Variants in SLC24A1 observed in about 807,000 individuals in gnomAD.
SLC24A1 encodes solute carrier family 24 member 1.
A neutral mutation model predicts 88.1 loss-of-function variants in SLC24A1; 52 were observed. The observed-to-expected ratio is 0.59, with a 90% confidence interval of 0.47 to 0.74. The LOEUF is 0.74. Among genes scored for constraint, SLC24A1 ranks in the 30% least tolerant of loss-of-function variants. The pLI is 0.00. For missense variants in SLC24A1, 1,173 were observed against 1,363.3 expected (o/e 0.86, Z 2.20); for synonymous variants, 455 against 498.0 (o/e 0.91, Z 1.15).
chr15:65,612,589 T>G (rs1039775299), exon 2 of SLC24A1: 1 of 152,298 alleles, frequency 6.6e-6, no homozygotes, highest in South Asian at 2.1e-4. Flanking sequence ...GACCTAGTTA[T>G]GCTTGAGCAG....
intron 2 of SLC24A1, among the ~76,000 whole-genome samples, chr15:65,633,628 C>G (rs1204675528): frequency 6.6e-6 from 1 of 152,078 alleles, no homozygotes; most frequent in East Asian, 1.9e-4. Context: ...CCACTGCACT[C>G]CAGCCTGGGT....
In SLC24A1 at chr15:65,654,834, G is replaced by A. The variant is rs535538507; in HGVS notation, c.*755G>A. On this transcript the variant is annotated 3_prime_UTR_variant, in exon 10 of 10. Transcript: ENST00000261892. ...AATTCTCCTGCCTCAGCCTGAAGTC[G>A]TGATCTGCCCGCCTCGGCCTCCCAA... 4.8e-5 allele frequency: 51 copies of A among 1,061,896 alleles called. No individual in the cohort carries two copies. The East Asian group carries it at 1.8e-3, about 37-fold the overall frequency. The allele number at this position is 1,061,896 out of a possible 1,614,324, so 65.8% of individuals were successfully genotyped here. A position where few individuals can be genotyped will look rare whatever the true frequency, so the allele number is the denominator to read the frequency against.
Position 65,645,688 on chromosome 15 carries a change from G to C in SLC24A1, c.2217G>C (p.Glu739Asp). ...PVPDIKGDQK[E>D]NPGGQEDVAE... ...CAGACATCAAGGGAGATCAGAAGGAGAATCCAGGCGGTCAGGTAGGCACCC... is the reference window on the plus strand; with the variant it reads ...CAGACATCAAGGGAGATCAGAAGGACAATCCAGGCGGTCAGGTAGGCACCC... Residue 739 changes from glutamate to aspartate, a missense_variant, in exon 6 of 10, where the codon GAG becomes GAC. Glu to Asp is a conservative substitution (Grantham distance 45). Transcript: ENST00000261892. 1 of 1,573,782 alleles carries C rather than the reference G, an allele frequency of 6.4e-7. No individual in the cohort carries two copies. Among genetic ancestry groups the C allele is most frequent in the South Asian group, 1.2e-5 (1 of 85,272 alleles).
At position 65,625,597 on chromosome 15, in the gene SLC24A1, C is replaced by T; in HGVS notation, c.1517C>T (p.Ala506Val). ...GATFMAAGGS[A>V]PELFTSLIGV... ...ACATTCATGGCTGCTGGAGGCTCTG[C>T]TCCTGAGCTCTTCACCTCCCTCATC... The change falls in exon 2 of 10, where the codon GCT becomes GTT. Residue 506 changes from alanine to valine, a missense_variant. Transcript: ENST00000261892. 1.2e-6 allele frequency: 2 copies of T among 1,614,034 alleles called. No individual in the cohort carries two copies. The highest frequency in any genetic ancestry group is 1.7e-6 in the Non-Finnish European group (2 of 1,179,892).
At chr15:65,617,116 G>C (rs1596295042), upstream of SLC24A1, among the ~76,000 whole-genome samples, 1 of 152,236 alleles carries the variant, frequency 6.6e-6, no homozygotes, top group Non-Finnish European at 1.5e-5. Context: ...ATGCTGTTTT[G>C]GTTACTGTAG....
In SLC24A1 at chr15:65,650,825, A is replaced by G. The variant is rs922265995; in HGVS notation, c.2676A>G (p.Gly892=). Residue 892 remains glycine (G), a synonymous_variant, in exon 7 of 10, where the codon GGA becomes GGG. Transcript: ENST00000261892. This position sits in a 1 kb window ranked among gnomAD's most constrained non-coding sequence, Gnocchi z 4.1. The part of the protein sequence containing the change: ...EEEEEEEEEK[G]NEEPLSLDWP... ...AGGAGGAGGAAGAGGAGGAGAAGGGAAATGAAGAGCCTCTGTCCCTGGACT... is the reference window on the plus strand; with the variant it reads ...AGGAGGAGGAAGAGGAGGAGAAGGGGAATGAAGAGCCTCTGTCCCTGGACT... 6.2e-7 allele frequency: 1 copy of G among 1,613,292 alleles called. No homozygotes were observed. The highest frequency in any genetic ancestry group is 1.3e-5 in the African/African-American group (1 of 74,712).
At chr15:65,640,155 A>G (rs1202222594) in intron 4 of SLC24A1, among the ~76,000 whole-genome samples, 1 of 152,086 alleles carries the variant, frequency 6.6e-6, no homozygotes, top group Non-Finnish European at 1.5e-5. Context: ...CGCCTCTTGT[A>G]GGGTCCCAAA....
chr15:65,651,825 A>G, intron 8 of SLC24A1, 66 bp downstream of exon 8: 1 of 817,358 alleles, frequency 1.2e-6, no homozygotes, highest in Non-Finnish European at 2.1e-6. Flanking sequence ...TTCAGGATCA[A>G]TCTCCGGTAC....
chr15:65,622,743 CT>C (rs200534714), intron 1 of SLC24A1, among the ~76,000 whole-genome samples: 31 of 145,590 alleles, frequency 2.1e-4, no homozygotes, highest in East Asian at 1.6e-3. Context: ...CAGTGCTTTT[CT>C]TTTTTTTTTT....
chr15:65,660,145 A>T (rs1018664305), downstream of SLC24A1: 1 of 617,732 alleles, frequency 1.6e-6, no homozygotes, highest in East Asian at 2.8e-5. Context: ...CTGAATAGTA[A>T]AGAATAATAT....
At chr15:65,627,611 C>T (rs1439578285) in intron 2 of SLC24A1, among the ~76,000 whole-genome samples, 1 of 152,136 alleles carries the variant, frequency 6.6e-6, no homozygotes, top group African/African-American at 2.4e-5. Context: ...GAACCTCCCT[C>T]CTAATGCAGG....
chr15:65,622,239 A>C (rs2074343279), intron 1 of SLC24A1, 147 bp downstream of exon 1: 1 of 152,198 alleles, frequency 6.6e-6, no homozygotes, highest in African/African-American at 2.4e-5. Flanking sequence ...AGTTCATGGC[A>C]AGGATCGGGG....
At chr15:65,626,002 C>T (rs1257376868) in intron 2 of SLC24A1, 32 bp downstream of exon 2, 20 of 1,518,926 alleles carry the variant, frequency 1.3e-5, no homozygotes, top group Non-Finnish European at 1.6e-5. Flanking sequence ...TTTCTCTAGC[C>T]CCTTTGAGAT....
chr15:65,640,674 T>C (rs570006723), intron 4 of SLC24A1, among the ~76,000 whole-genome samples: 1 of 152,242 alleles, frequency 6.6e-6, no homozygotes, highest in African/African-American at 2.4e-5. Flanking sequence ...TGACTGACCT[T>C]TCTGGCTCAA....
chr15:65,652,825 C>G lies in SLC24A1; in HGVS notation c.3050+17C>G, dbSNP rs188449742. ...CACTGTGGGGTGAGTGGCAATGTAACTTTCTAAGGGGTGTTAAGTATGACT... is the reference window on the plus strand; with the variant it reads ...CACTGTGGGGTGAGTGGCAATGTAAGTTTCTAAGGGGTGTTAAGTATGACT... On this transcript the variant is annotated intron_variant, in intron 9 of 9. Transcript: ENST00000261892. The G allele has an allele frequency of 9.1e-5, 143 of 1,577,598 alleles. 1 individual carries two copies. In the African/African-American group the frequency reaches 1.8e-3, roughly 20 times the overall value.
At chr15:65,659,338 T>TG (rs2075783833), downstream of SLC24A1, 2 of 133,906 alleles carry the variant, frequency 1.5e-5, no homozygotes, top group African/African-American at 2.8e-5. Context: ...TTTTTTTTTT[T>TG]TTTTTTTTTT....
intron 8 of SLC24A1, chr15:65,651,974 A>C: frequency 1.8e-6 from 1 of 556,196 alleles, no homozygotes; most frequent in Non-Finnish European, 3.4e-6. Context: ...ATGGCATAGA[A>C]GGCCTTGGAA....
At chr15:65,629,155 A>T (rs2074619710) in intron 2 of SLC24A1, among the ~76,000 whole-genome samples, 1 of 152,214 alleles carries the variant, frequency 6.6e-6, no homozygotes, top group African/African-American at 2.4e-5. Flanking sequence ...GGAAACATAC[A>T]ATCAGCGGAG....
intron 2 of SLC24A1, among the ~76,000 whole-genome samples, chr15:65,626,231 A>G (rs530758187): frequency 6.6e-6 from 1 of 152,352 alleles, no homozygotes; most frequent in East Asian, 1.9e-4. Flanking sequence ...AGAAAACCGA[A>G]GCCCAAAGAA....
Sources: allele counts gnomAD v4.1 joint callset (sites outside exome capture counted in the v4.1 genomes callset), GRCh38; gene constraint gnomAD v4.1.1; non-coding constraint Gnocchi (gnomAD v3.1); transcripts MANE v1.5; gene names NCBI Gene and HGNC (gene_info 2026-07-23, HGNC 2026-07-21).